The following RBFOX1 variants were observed in gnomAD, a reference collection of about 807,000 sequenced individuals.
RBFOX1 encodes the protein RNA binding fox-1 homolog 1, also known as RNA binding protein fox-1 homolog 1.
A neutral mutation model predicts 57.7 loss-of-function variants in RBFOX1; 8 were observed. The ratio of observed to expected loss-of-function variants is 0.14; its 90% CI spans 0.08 to 0.25. RBFOX1 has a LOEUF of 0.25. Ranked by LOEUF, RBFOX1 falls within the 10% of genes least tolerant of loss-of-function variation. The pLI is 1.00. For missense variants in RBFOX1, 611 were observed against 548.5 expected (o/e 1.11, Z -1.14); for synonymous variants, 326 against 222.4 (o/e 1.47, Z -4.15).
At chr16:7,379,954 A>C (rs1299632742) in intron 4 of RBFOX1, among the ~76,000 whole-genome samples, 1 of 152,166 alleles carries the variant, frequency 6.6e-6, no homozygotes, top group Non-Finnish European at 1.5e-5. Context: ...TCCTGGGTTC[A>C]AGCACAATCC....
At chr16:7,060,094 TA>T (rs2053780411) in intron 4 of RBFOX1, among the ~76,000 whole-genome samples, 1 of 152,136 alleles carries the variant, frequency 6.6e-6, no homozygotes. Flanking sequence ...CCAGAATTGA[TA>T]CCATAGAGTT....
At chr16:7,445,280 G>T (rs1189891592) in intron 4 of RBFOX1, among the ~76,000 whole-genome samples, 1 of 152,146 alleles carries the variant, frequency 6.6e-6, no homozygotes, top group Non-Finnish European at 1.5e-5. Context: ...GTGATACTAT[G>T]TGTTTAATAT....
chr16:7,335,872 C>T (rs1160314192), intron 4 of RBFOX1, among the ~76,000 whole-genome samples: 1 of 152,102 alleles, frequency 6.6e-6, no homozygotes, highest in Non-Finnish European at 1.5e-5. Context: ...AGAGTTTTTC[C>T]CTCCAGCCAG....
chr16:6,890,142 G>T (rs193274511), intron 3 of RBFOX1, among the ~76,000 whole-genome samples: 2 of 152,328 alleles, frequency 1.3e-5, no homozygotes, highest in East Asian at 3.9e-4. Flanking sequence ...AGGTGAAAAT[G>T]TGAAAGCCTA....
Position 7,158,446 on chromosome 16 carries a change from C to T in RBFOX1, c.27+106348C>T, listed in dbSNP as rs114446942. The stretch of plus-strand genomic sequence containing the variant: ...GGTCTTATACAGACATTGATACCAC[C>T]TACTGATGCAATCTCCTGACCTTTT... On this transcript the variant is annotated intron_variant, in intron 4 of 15. Transcript: ENST00000550418. 5.3e-3 allele frequency among the ~76,000 whole-genome samples: 801 copies of T among 152,286 alleles called. 6 individuals carry two copies. Among genetic ancestry groups the T allele is most frequent in the African/African-American group, 0.018 (767 of 41,554 alleles).
At chr16:6,366,306 C>T (rs1332606890) in intron 2 of RBFOX1, among the ~76,000 whole-genome samples, 1 of 152,064 alleles carries the variant, frequency 6.6e-6, no homozygotes, top group Non-Finnish European at 1.5e-5. Flanking sequence ...ACTCACCATA[C>T]CTTTTGGATA....
At chr16:6,977,813 A>G (rs1015621649) in intron 3 of RBFOX1, among the ~76,000 whole-genome samples, 4 of 151,556 alleles carry the variant, frequency 2.6e-5, no homozygotes, top group South Asian at 2.1e-4. Context: ...GATTGCAGGC[A>G]CCTTTGGCTT....
chr16:6,689,635 A>C (rs1353039191), intron 3 of RBFOX1, among the ~76,000 whole-genome samples: 2 of 152,152 alleles, frequency 1.3e-5, no homozygotes, highest in African/African-American at 2.4e-5. Flanking sequence ...ATCTTCCTGA[A>C]TGTAGACATA....
intron 3 of RBFOX1, among the ~76,000 whole-genome samples, chr16:6,812,211 C>A (rs186788821): frequency 6.6e-6 from 1 of 152,188 alleles, no homozygotes; most frequent in Non-Finnish European, 1.5e-5. Context: ...GAATGAATAT[C>A]TGTGAATATT....
chr16:7,571,716 A>C (rs574578129), intron 5 of RBFOX1, among the ~76,000 whole-genome samples: 29 of 152,312 alleles, frequency 1.9e-4, no homozygotes, highest in African/African-American at 6.7e-4. Context: ...AGCTCTGCCA[A>C]GTGCCGCCTG....
chr16:6,476,272 A>G (rs11077041), intron 2 of RBFOX1, among the ~76,000 whole-genome samples: 54,553 of 152,038 alleles, frequency 0.36, 11,445 homozygotes, highest in South Asian at 0.61. Context: ...TGTGTCTACA[A>G]ATATCCGTAG....
chr16:6,904,099 TCAC>T (rs1567805666), intron 3 of RBFOX1, among the ~76,000 whole-genome samples: 2 of 152,150 alleles, frequency 1.3e-5, no homozygotes, highest in Non-Finnish European at 2.9e-5. Flanking sequence ...ATGCTCTTAT[TCAC>T]CACCCCTATA....
intron 2 of RBFOX1, among the ~76,000 whole-genome samples, chr16:6,433,044 T>A (rs1388596065): frequency 2.6e-5 from 4 of 152,160 alleles, no homozygotes; most frequent in Admixed American, 2.6e-4. Flanking sequence ...ACTTGTGAGA[T>A]GCCATCCTTC....
intron 2 of RBFOX1, among the ~76,000 whole-genome samples, chr16:6,365,220 A>G (rs2089358503): frequency 6.6e-6 from 1 of 152,132 alleles, no homozygotes; most frequent in Non-Finnish European, 1.5e-5. Context: ...AGATGAATGG[A>G]TAGATGGGTA....
At chr16:6,870,102 A>G (rs1022572621) in intron 3 of RBFOX1, among the ~76,000 whole-genome samples, 9 of 152,160 alleles carry the variant, frequency 5.9e-5, no homozygotes, top group Non-Finnish European at 1.0e-4. Context: ...GGATGATGAT[A>G]ATAATGATGA....
intron 4 of RBFOX1, among the ~76,000 whole-genome samples, chr16:7,090,306 A>G (rs1034407278): frequency 2.0e-5 from 3 of 152,332 alleles, no homozygotes; most frequent in Middle Eastern, 3.4e-3. Flanking sequence ...ATATGCACCT[A>G]TCTGTGTTAA....
At chr16:6,016,016 C>T (rs116321465), upstream of RBFOX1, among the ~76,000 whole-genome samples, 632 of 152,318 alleles carry the variant, frequency 4.1e-3, 3 homozygotes, top group African/African-American at 0.013. Flanking sequence ...GTTGACTTCT[C>T]ATTTCATTCC....
chr16:5,940,810 AGCTGTGCTGTGAGCATTTCC>A (rs1403775438), intron 4 of RBFOX1, among the ~76,000 whole-genome samples: 1 of 152,130 alleles, frequency 6.6e-6, no homozygotes, highest in Non-Finnish European at 1.5e-5. Context: ...TTGGGCTGGC[AGCTGTGCTGTGAGCATTTCC>A]GCTTGGGATC....
At chr16:6,273,182 C>G (rs1005376719) in intron 1 of RBFOX1, among the ~76,000 whole-genome samples, 14 of 150,760 alleles carry the variant, frequency 9.3e-5, no homozygotes, top group Admixed American at 2.0e-4. Context: ...ATGGCTTGAA[C>G]CTGGAGGCAG....
Sources: allele counts gnomAD v4.1 joint callset (sites outside exome capture counted in the v4.1 genomes callset), GRCh38; gene constraint gnomAD v4.1.1; transcripts MANE v1.5; gene names NCBI Gene and HGNC (gene_info 2026-07-23, HGNC 2026-07-21).